The following JAKMIP2 variants were observed in gnomAD, a reference collection of about 807,000 sequenced individuals.
JAKMIP2 encodes janus kinase and microtubule-interacting protein 2.
In JAKMIP2, 25 loss-of-function variants were observed where a neutral mutation model predicts 115.0. The observed-to-expected ratio is 0.22, with a 90% CI of 0.16 to 0.30. JAKMIP2 has a LOEUF of 0.30. Ranked by LOEUF, JAKMIP2 falls within the 10% of genes least tolerant of loss-of-function variation. The pLI is 1.00. For synonymous variants in JAKMIP2, 334 were observed against 343.6 expected, an observed-to-expected ratio of 0.97 and a Z score of 0.31; for missense variants, 642 against 957.6, an observed-to-expected ratio of 0.67 and a Z score of 4.35.
chr5:147,592,921 G>C (rs1400316403), intron 21 of JAKMIP2, among the ~76,000 whole-genome samples: 2 of 152,220 alleles, frequency 1.3e-5, no homozygotes, highest in Admixed American at 6.5e-5. Flanking sequence ...GTTAGACTGG[G>C]ATGGAAGAGT....
chr5:147,681,814 G>C (rs1331677610), intron 1 of JAKMIP2, among the ~76,000 whole-genome samples: 1 of 152,070 alleles, frequency 6.6e-6, no homozygotes, highest in Non-Finnish European at 1.5e-5. Flanking sequence ...GGCCGAGGCA[G>C]GTGGATCGCT....
At chr5:147,741,213 T>C (rs1339621676) in intron 1 of JAKMIP2, among the ~76,000 whole-genome samples, 1 of 152,204 alleles carries the variant, frequency 6.6e-6, no homozygotes. Flanking sequence ...ATAATTTCAG[T>C]ATTTCTTCAA....
At chr5:147,770,490 C>G (rs557177342) in intron 1 of JAKMIP2, among the ~76,000 whole-genome samples, 1 of 152,150 alleles carries the variant, frequency 6.6e-6, no homozygotes, top group African/African-American at 2.4e-5. Flanking sequence ...TCATCCAAAC[C>G]TATTCTTGTT....
chr5:147,617,598 G>A (rs1019975339), intron 19 of JAKMIP2, among the ~76,000 whole-genome samples: 3 of 152,166 alleles, frequency 2.0e-5, no homozygotes, highest in African/African-American at 7.2e-5. Flanking sequence ...GCCCTGGAGA[G>A]TGTCCTGCTT....
chr5:147,654,647 G>A (rs768163492), intron 3 of JAKMIP2, among the ~76,000 whole-genome samples: 5 of 152,134 alleles, frequency 3.3e-5, no homozygotes, highest in Admixed American at 1.3e-4. Flanking sequence ...ACAGAATCAC[G>A]TCATCTGCAA....
At chr5:147,754,960 T>C (rs772201626) in intron 1 of JAKMIP2, among the ~76,000 whole-genome samples, 19 of 152,190 alleles carry the variant, frequency 1.2e-4, no homozygotes, top group Non-Finnish European at 2.5e-4. Flanking sequence ...TGGGGGTAGG[T>C]GTGCACATGA....
Position 147,590,168 on chromosome 5 carries a change from A to G in JAKMIP2, c.*1539T>C, listed in dbSNP as rs1755043978. 1 of 152,214 alleles carries G rather than the reference A, an allele frequency of 6.6e-6. No individual in the cohort carries two copies. Among genetic ancestry groups the G allele is most frequent in the Non-Finnish European group, 1.5e-5 (1 of 68,048 alleles). 9.4% of individuals were successfully genotyped at this position (152,214 alleles called of 1,614,324 possible). ...GCCAGTGCTAAAACTGAAGGATGAT[A>G]GTGAACCCACATATGGAAAGATTTG... On this transcript the variant is annotated 3_prime_UTR_variant, in exon 22 of 22. Transcript: ENST00000616793.
In JAKMIP2 at chr5:147,588,511, T is replaced by G. The variant is rs1754970948; in HGVS notation, c.*3196A>C. On this transcript the variant is annotated 3_prime_UTR_variant, in exon 22 of 22. Coordinates refer to ENST00000616793, the MANE Select transcript of JAKMIP2 (RefSeq NM_001270941.2). ...GATCCATGAGTGACTGGAACACATA[T>G]CCACAATTTTGCTGATGCTTTTATA... The G allele has an allele frequency of 6.6e-6, 1 of 151,602 alleles. No homozygotes were observed. Among genetic ancestry groups the G allele is most frequent in the Admixed American group, 6.6e-5 (1 of 15,216 alleles). 9.4% of individuals were successfully genotyped at this position (151,602 alleles called of 1,614,324 possible). A position where few individuals can be genotyped will look rare whatever the true frequency, so the allele number is the denominator to read the frequency against.
At chr5:147,686,824 T>C (rs1351214954) in intron 1 of JAKMIP2, among the ~76,000 whole-genome samples, 1 of 152,220 alleles carries the variant, frequency 6.6e-6, no homozygotes, top group Non-Finnish European at 1.5e-5. Context: ...AAATTTATAT[T>C]TGAGAAACAC....
chr5:147,641,608 G>T (rs1024327577), intron 8 of JAKMIP2, 100 bp downstream of exon 8: 6 of 803,298 alleles, frequency 7.5e-6, no homozygotes, highest in Admixed American at 6.5e-5. Flanking sequence ...AACAGTTCTG[G>T]AACACCTGAT....
At chr5:147,614,860 G>T (rs1756494560) in intron 19 of JAKMIP2, among the ~76,000 whole-genome samples, 1 of 152,124 alleles carries the variant, frequency 6.6e-6, no homozygotes, top group South Asian at 2.1e-4. Flanking sequence ...TTATTCCCAT[G>T]ATAGGGACTT....
intron 1 of JAKMIP2, among the ~76,000 whole-genome samples, chr5:147,768,519 G>A (rs1292868724): frequency 1.3e-5 from 2 of 152,074 alleles, no homozygotes; most frequent in Non-Finnish European, 1.5e-5. Flanking sequence ...TAATTGAACA[G>A]GTTTATTAGG....
intron 10 of JAKMIP2, among the ~76,000 whole-genome samples, chr5:147,637,315 C>G (rs190432235): frequency 1.3e-5 from 2 of 152,194 alleles, no homozygotes; most frequent in African/African-American, 4.8e-5. Context: ...GAGCCAAACC[C>G]TCACCTGCTG....
At position 147,673,398 on chromosome 5, in the gene JAKMIP2, G is replaced by A. The variant is rs767215145; in HGVS notation, c.-148-1444C>T. 3.9e-5 allele frequency among the ~76,000 whole-genome samples: 6 copies of A among 152,066 alleles called. No homozygotes were observed. The South Asian group carries it at 6.2e-4, about 16-fold the overall frequency. On this transcript the variant is annotated intron_variant, in intron 1 of 21. Coordinates refer to ENST00000616793, the MANE Select transcript of JAKMIP2 (RefSeq NM_001270941.2). Reference sequence around the variant, plus strand: ...CTCCTGCTGACCACCCATATGTTCCGGCAGCTGCTGCTCTCTTAAGACCCT... The same window carrying A: ...CTCCTGCTGACCACCCATATGTTCCAGCAGCTGCTGCTCTCTTAAGACCCT...
intron 1 of JAKMIP2, among the ~76,000 whole-genome samples, chr5:147,679,354 G>A (rs1461772138): frequency 6.6e-6 from 1 of 152,130 alleles, no homozygotes; most frequent in Non-Finnish European, 1.5e-5. Flanking sequence ...TAGCCACGTG[G>A]TCAAGAAAAT....
At chr5:147,645,652 T>G (rs62377175) in intron 5 of JAKMIP2, among the ~76,000 whole-genome samples, 63 of 152,180 alleles carry the variant, frequency 4.1e-4, no homozygotes, top group Non-Finnish European at 8.5e-4. Flanking sequence ...CATACTCTCA[T>G]TTGCTTGGTT....
intron 1 of JAKMIP2, among the ~76,000 whole-genome samples, chr5:147,719,255 G>C (rs1230224747): frequency 7.5e-6 from 1 of 132,804 alleles, no homozygotes; most frequent in Non-Finnish European, 1.6e-5. Flanking sequence ...GCTGAGGAGA[G>C]CTTTACTTCC....
intron 1 of JAKMIP2, among the ~76,000 whole-genome samples, chr5:147,693,390 T>C (rs997804256): frequency 6.6e-6 from 1 of 152,234 alleles, no homozygotes; most frequent in African/African-American, 2.4e-5. Flanking sequence ...CCATTAATAT[T>C]ATCAGACATG....
intron 1 of JAKMIP2, among the ~76,000 whole-genome samples, chr5:147,766,149 C>T (rs1393815370): frequency 6.6e-6 from 1 of 152,126 alleles, no homozygotes; most frequent in African/African-American, 2.4e-5. Context: ...TCCCTCTCGG[C>T]CTCACTTCCC....
Sources: allele counts gnomAD v4.1 joint callset (sites outside exome capture counted in the v4.1 genomes callset), GRCh38; gene constraint gnomAD v4.1.1; transcripts MANE v1.5; gene names NCBI Gene and HGNC (gene_info 2026-07-23, HGNC 2026-07-21).